Variants in ATP11C observed in about 807,000 individuals in gnomAD.
The protein encoded by ATP11C is phospholipid-transporting ATPase IG.
In ATP11C, 36 loss-of-function variants were observed where a neutral mutation model predicts 97.4. The observed-to-expected ratio is 0.37, with a 90% CI of 0.28 to 0.49. The LOEUF (loss-of-function observed/expected upper bound fraction) is 0.49, where lower values mean the gene tolerates loss of function less well. Ranked by LOEUF, ATP11C falls within the 20% of genes least tolerant of loss-of-function variation. The pLI is 0.98. For missense variants in ATP11C, 730 were observed against 824.6 expected (o/e 0.89, Z 1.40); for synonymous variants, 275 against 290.9 (o/e 0.95, Z 0.56).
At chrX:139,866,573 C>T (rs2084291828) in intron 1 of ATP11C, among the ~76,000 whole-genome samples, 1 of 109,404 alleles carries the variant, frequency 9.1e-6, no homozygotes, top group Non-Finnish European at 1.9e-5. Flanking sequence ...AAACAAGTAG[C>T]CGGACATGGT....
In ATP11C at chrX:139,783,717, T is replaced by C. The variant is rs774745361; in HGVS notation, c.1667-450A>G. On this transcript the variant is annotated intron_variant, in intron 16 of 29. Coordinates refer to ENST00000682941, the MANE Select transcript of ATP11C (RefSeq NM_001353812.2). The stretch of plus-strand genomic sequence containing the variant: ...GGGAGACCCTGACTCTACTAAAAAT[T>C]AAAAAATTAGCCAGGCATGGTGGTA... 6.2e-4 allele frequency among the ~76,000 whole-genome samples: 68 copies of C among 110,563 alleles called. 1 individual carries two copies. Among genetic ancestry groups the C allele is most frequent in the Non-Finnish European group, 1.1e-3 (56 of 52,818 alleles).
intron 1 of ATP11C, among the ~76,000 whole-genome samples, chrX:139,918,120 C>T (rs889316661): frequency 1.8e-5 from 2 of 111,350 alleles, no homozygotes; most frequent in Non-Finnish European, 3.8e-5. Flanking sequence ...AGAATTACCA[C>T]ATGCACAGCA....
At chrX:139,795,594 T>TA (rs974380288) in intron 12 of ATP11C, among the ~76,000 whole-genome samples, 12 of 109,612 alleles carry the variant, frequency 1.1e-4, no homozygotes, top group Admixed American at 2.9e-4. Flanking sequence ...CAGAGTAAAA[T>TA]AAAAAAAAGG....
At chrX:139,753,612 C>T (rs753679235) in intron 23 of ATP11C, among the ~76,000 whole-genome samples, 112 of 111,180 alleles carry the variant, frequency 1.0e-3, no homozygotes, top group South Asian at 7.2e-3. Context: ...AGTTCAAGAC[C>T]GGCCTGACCA....
rs572087386 is a variant in ATP11C at position 139,812,721 on chromosome X, T to A, written c.426+2157A>T. Among the ~76,000 whole-genome samples the A allele has an allele frequency of 7.2e-5, 8 of 110,622 alleles. No individual in the cohort carries two copies. In the South Asian group the frequency reaches 3.1e-3, roughly 43 times the overall value. On this transcript the variant is annotated intron_variant, in intron 5 of 29. Coordinates refer to ENST00000682941, the MANE Select transcript of ATP11C (RefSeq NM_001353812.2). ...TTTTTGGAGAGACAGGGTTTTGCCA[T>A]GTTGCCCAGGATGGATTCCAACTCC...
intron 25 of ATP11C, 90 bp from the exon 26 acceptor site, chrX:139,743,714 T>C (rs965020712): frequency 3.1e-5 from 15 of 484,979 alleles, no homozygotes; most frequent in African/African-American, 1.7e-4. Context: ...AGTTGAATCC[T>C]GTGTGTAAGT....
intron 1 of ATP11C, among the ~76,000 whole-genome samples, chrX:139,877,345 T>C (rs968389006): frequency 8.9e-6 from 1 of 112,565 alleles, no homozygotes; most frequent in Non-Finnish European, 1.9e-5. Flanking sequence ...ACACAACTTA[T>C]GACCTTGCCA....
chrX:139,762,236 A>G (rs2082051930), intron 21 of ATP11C, 130 bp from the exon 22 acceptor site: 2 of 513,588 alleles, frequency 3.9e-6, no homozygotes, highest in Admixed American at 3.6e-5. Context: ...TTTAAAAACC[A>G]AAAGAGCTTT....
chrX:139,896,621 C>G, intron 1 of ATP11C, among the ~76,000 whole-genome samples: 1 of 57,706 alleles, frequency 1.7e-5, no homozygotes, highest in Non-Finnish European at 2.7e-5. Context: ...GAGAAAGAGT[C>G]TCTCTCTCTC....
intron 11 of ATP11C, among the ~76,000 whole-genome samples, chrX:139,796,775 A>AT (rs2082806819): frequency 1.8e-5 from 2 of 111,528 alleles, no homozygotes; most frequent in Non-Finnish European, 3.8e-5. Flanking sequence ...ATCAAAGTTC[A>AT]TATGTAAGGC....
rs776995982 is a variant in ATP11C, at chrX:139,776,279, C to T, written c.1953-1326G>A. ...TACCCCTGCTGAAAACGAGCTCAGG[C>T]CAATTGGGCTTTCACAAAGGGTGGG... On this transcript the variant is annotated intron_variant, in intron 18 of 29. Transcript: ENST00000682941. Among the ~76,000 whole-genome samples, 5 of 111,891 alleles carry T rather than the reference C, an allele frequency of 4.5e-5. No individual in the cohort carries two copies. The East Asian group carries it at 1.4e-3, about 32-fold the overall frequency.
chrX:139,754,855 G>A (rs185652393), intron 23 of ATP11C, among the ~76,000 whole-genome samples: 5 of 111,796 alleles, frequency 4.5e-5, no homozygotes, highest in African/African-American at 1.3e-4. Flanking sequence ...AATAATAAGA[G>A]CCATCTAAGA....
intron 1 of ATP11C, among the ~76,000 whole-genome samples, chrX:139,910,615 A>AG (rs2148134186): frequency 9.1e-6 from 1 of 109,793 alleles, no homozygotes; most frequent in African/African-American, 3.3e-5. Flanking sequence ...CAAAAAAAAA[A>AG]AAAGAATTAT....
chrX:139,824,389 T>C (rs910537384), intron 2 of ATP11C, among the ~76,000 whole-genome samples: 4 of 100,538 alleles, frequency 4.0e-5, no homozygotes, highest in Non-Finnish European at 5.7e-5. Flanking sequence ...AGTATTTGTG[T>C]TCCCAGGAGA....
At chrX:139,736,079 A>C (rs930577432) in intron 28 of ATP11C, among the ~76,000 whole-genome samples, 5 of 111,970 alleles carry the variant, frequency 4.5e-5, no homozygotes, top group Admixed American at 1.9e-4. Context: ...AACAAATTTC[A>C]TGCTAAACCC....
chrX:139,767,400 G>A (rs189978738), intron 20 of ATP11C, among the ~76,000 whole-genome samples: 152 of 111,511 alleles, frequency 1.4e-3, no homozygotes, highest in African/African-American at 4.5e-3. Context: ...TATATATAGA[G>A]GGAGAGGAGA....
chrX:139,786,320 T>A (rs2082572855), intron 15 of ATP11C, among the ~76,000 whole-genome samples: 1 of 111,782 alleles, frequency 8.9e-6, no homozygotes, highest in African/African-American at 3.3e-5. Flanking sequence ...GAGGGGGTCA[T>A]TAGTCTTGCG....
chrX:139,877,804 T>C (rs2084499220), intron 1 of ATP11C, among the ~76,000 whole-genome samples: 1 of 111,999 alleles, frequency 8.9e-6, no homozygotes, highest in Non-Finnish European at 1.9e-5. Context: ...GGTGGATCGC[T>C]TGGGGCCAGG....
intron 13 of ATP11C, among the ~76,000 whole-genome samples, chrX:139,788,966 G>A (rs1253044348): frequency 9.0e-6 from 1 of 111,264 alleles, no homozygotes; most frequent in Non-Finnish European, 1.9e-5. Context: ...TTTGGGGGAC[G>A]GAGGGTGGTG....
Sources: allele counts gnomAD v4.1 joint callset (sites outside exome capture counted in the v4.1 genomes callset), GRCh38; gene constraint gnomAD v4.1.1; transcripts MANE v1.5; gene names NCBI Gene and HGNC (gene_info 2026-07-23, HGNC 2026-07-21).